Variants in PTPRG observed in about 807,000 individuals in gnomAD.
The protein encoded by PTPRG is receptor-type tyrosine-protein phosphatase gamma.
A neutral mutation model predicts 165.3 loss-of-function variants in PTPRG; 102 were observed. That is an observed-to-expected ratio of 0.62 (90% CI 0.53 to 0.73). PTPRG has a LOEUF of 0.73. Ranked by LOEUF, PTPRG falls within the 30% of genes least tolerant of loss-of-function variation. The pLI is 0.00. For synonymous variants in PTPRG, 675 were observed against 669.5 expected, an observed-to-expected ratio of 1.01 and a Z score of -0.13; for missense variants, 1,866 against 1,861.4, an observed-to-expected ratio of 1.00 and a Z score of -0.05.
chr3:61,968,394 A>G (rs999844422), intron 2 of PTPRG, among the ~76,000 whole-genome samples: 6 of 152,120 alleles, frequency 3.9e-5, no homozygotes, highest in African/African-American at 1.4e-4. Context: ...CGCTAAGAAT[A>G]TGGATATGAA....
At chr3:61,775,199 C>A (rs1401310698) in intron 2 of PTPRG, among the ~76,000 whole-genome samples, 2 of 152,052 alleles carry the variant, frequency 1.3e-5, no homozygotes, top group Non-Finnish European at 2.9e-5. Flanking sequence ...CTCTCCTGAG[C>A]AGCTGGGATT....
At chr3:62,192,097 CT>C (rs1699841246) in intron 9 of PTPRG, among the ~76,000 whole-genome samples, 1 of 152,142 alleles carries the variant, frequency 6.6e-6, no homozygotes, top group Admixed American at 6.5e-5. Flanking sequence ...AAAGCTACTG[CT>C]GCTGATGTCA....
chr3:61,620,637 T>TC, intron 1 of PTPRG, among the ~76,000 whole-genome samples: 1 of 152,242 alleles, frequency 6.6e-6, no homozygotes, highest in South Asian at 2.1e-4. Flanking sequence ...CTTTTTTTTT[T>TC]CTTTTTTGAA....
chr3:61,753,601 T>TTTTTTTTTTTTG, intron 2 of PTPRG: 2 of 441,380 alleles, frequency 4.5e-6, no homozygotes, highest in Non-Finnish European at 9.0e-6. Flanking sequence ...TTTTTTTTTT[T>TTTTTTTTTTTTG]GGAGATTGGA....
chr3:62,002,321 A>G lies in PTPRG; in HGVS notation c.371-1028A>G, dbSNP rs535096854. Among the ~76,000 whole-genome samples the G allele has an allele frequency of 2.0e-5, 3 of 152,310 alleles. No individual in the cohort carries two copies. The East Asian group carries it at 5.8e-4, about 29-fold the overall frequency. ...GGAAGAGGAGACAATGAGGATAAGTACTTTCCCATGGCTTACACAAGCTTG... is the reference window on the plus strand; with the variant it reads ...GGAAGAGGAGACAATGAGGATAAGTGCTTTCCCATGGCTTACACAAGCTTG... On this transcript the variant is annotated intron_variant, in intron 3 of 29. Transcript: ENST00000474889.
At chr3:61,944,991 A>G (rs1045793258) in intron 2 of PTPRG, among the ~76,000 whole-genome samples, 9 of 152,146 alleles carry the variant, frequency 5.9e-5, no homozygotes, top group Non-Finnish European at 8.8e-5. Flanking sequence ...ACGGAATTCT[A>G]TGCAAGTTGC....
At chr3:61,672,696 GA>G (rs1184508307) in intron 1 of PTPRG, among the ~76,000 whole-genome samples, 1 of 150,630 alleles carries the variant, frequency 6.6e-6, no homozygotes, top group African/African-American at 2.4e-5. Flanking sequence ...CTCGGCATCA[GA>G]GGGAGACCGT....
At chr3:62,235,183 T>G (rs369478000) in intron 14 of PTPRG, among the ~76,000 whole-genome samples, 1 of 152,152 alleles carries the variant, frequency 6.6e-6, no homozygotes, top group Non-Finnish European at 1.5e-5. Flanking sequence ...CCAAAATGAG[T>G]TGGACTATCA....
chr3:61,900,585 C>T (rs2038471699), intron 2 of PTPRG, among the ~76,000 whole-genome samples: 1 of 152,178 alleles, frequency 6.6e-6, no homozygotes, highest in Non-Finnish European at 1.5e-5. Context: ...TGCAGTGCAG[C>T]TCCCAAACCA....
In PTPRG at chr3:61,982,102, A is replaced by G. The variant is rs2040655533; in HGVS notation, c.191-7523A>G. 1.3e-5 allele frequency among the ~76,000 whole-genome samples: 2 copies of G among 152,134 alleles called. 1 individual carries two copies. The highest frequency in any genetic ancestry group is 2.9e-5 in the Non-Finnish European group (2 of 68,022). On this transcript the variant is annotated intron_variant, in intron 2 of 29. Transcript: ENST00000474889. The stretch of plus-strand genomic sequence containing the variant: ...TTGTTTCTATTATGTCTCGATGGAA[A>G]GTCAGGATTCTAAAAGAACATATTA...
intron 1 of PTPRG, among the ~76,000 whole-genome samples, chr3:61,699,135 T>C (rs1009356460): frequency 3.3e-5 from 5 of 151,982 alleles, no homozygotes; most frequent in Admixed American, 6.6e-5. Context: ...CAAACCTGCA[T>C]GTTGTGCACA....
chr3:61,733,052 T>G (rs539403984), intron 1 of PTPRG, among the ~76,000 whole-genome samples: 2 of 152,306 alleles, frequency 1.3e-5, no homozygotes, highest in African/African-American at 4.8e-5. Context: ...TGAAATCTCT[T>G]AAAAGGACAG....
chr3:61,945,994 T>C (rs2039752050), intron 2 of PTPRG, among the ~76,000 whole-genome samples: 1 of 152,026 alleles, frequency 6.6e-6, no homozygotes, highest in East Asian at 1.9e-4. Flanking sequence ...GATTGATTGA[T>C]TCATTCATTC....
At chr3:62,133,514 C>G (rs951873518) in intron 6 of PTPRG, among the ~76,000 whole-genome samples, 1 of 152,174 alleles carries the variant, frequency 6.6e-6, no homozygotes, top group South Asian at 2.1e-4. Context: ...CAAACATCTT[C>G]CCCCTCTCTT....
chr3:62,064,863 G>A (rs897634248), intron 4 of PTPRG, among the ~76,000 whole-genome samples: 1 of 151,142 alleles, frequency 6.6e-6, no homozygotes, highest in Non-Finnish European at 1.5e-5. Flanking sequence ...CTCCCGAGTA[G>A]CGTGATTACA....
At chr3:62,090,895 G>T (rs992561344) in intron 5 of PTPRG, among the ~76,000 whole-genome samples, 1 of 152,140 alleles carries the variant, frequency 6.6e-6, no homozygotes, top group African/African-American at 2.4e-5. Flanking sequence ...TTACTGGCTT[G>T]TTCCTTTGGA....
chr3:61,805,123 T>G (rs543492256), intron 2 of PTPRG, among the ~76,000 whole-genome samples: 60 of 152,250 alleles, frequency 3.9e-4, no homozygotes, highest in African/African-American at 1.3e-3. Flanking sequence ...AAGGGAACTT[T>G]TTTTCTTTTT....
At chr3:61,834,794 G>C (rs898195021) in intron 2 of PTPRG, among the ~76,000 whole-genome samples, 1 of 150,390 alleles carries the variant, frequency 6.6e-6, no homozygotes, top group Non-Finnish European at 1.5e-5. Flanking sequence ...GCCTGGGCTG[G>C]AGTGAGACTC....
intron 2 of PTPRG, among the ~76,000 whole-genome samples, chr3:61,908,917 C>T (rs950598912): frequency 1.3e-5 from 2 of 152,062 alleles, no homozygotes; most frequent in East Asian, 3.9e-4. Flanking sequence ...GAAATACTGC[C>T]CCCCATTCCA....
Sources: allele counts gnomAD v4.1 joint callset (sites outside exome capture counted in the v4.1 genomes callset), GRCh38; gene constraint gnomAD v4.1.1; transcripts MANE v1.5; gene names NCBI Gene and HGNC (gene_info 2026-07-23, HGNC 2026-07-21).